ABAT: variants seen among roughly 807,000 people sequenced by gnomAD.
ABAT encodes 4-aminobutyrate aminotransferase, mitochondrial.
A neutral mutation model predicts 64.6 loss-of-function variants in ABAT; 45 were observed. The ratio of observed to expected loss-of-function variants is 0.70; its 90% CI spans 0.55 to 0.89. The LOEUF (loss-of-function observed/expected upper bound fraction) is 0.89. ABAT is among the 40% of genes least tolerant of loss of function. The pLI, the probability that ABAT is intolerant of heterozygous loss-of-function variation, is 0.00. For missense variants in ABAT, 633 were observed against 658.4 expected, an observed-to-expected ratio of 0.96 and a Z score of 0.42; for synonymous variants, 297 against 250.5, an observed-to-expected ratio of 1.19 and a Z score of -1.75.
At chr16:8,722,884 G>T in intron 1 of ABAT, 1 of 1,287,904 alleles carries the variant, frequency 7.8e-7, no homozygotes, top group Non-Finnish European at 1.0e-6. Context: ...CAAATTCTCA[G>T]TAATATGGAA....
intron 1 of ABAT, among the ~76,000 whole-genome samples, chr16:8,728,577 A>G (rs1321519216): frequency 6.6e-6 from 1 of 152,102 alleles, no homozygotes; most frequent in Non-Finnish European, 1.5e-5. Flanking sequence ...CCATTGAGTT[A>G]TTAAGAAAAG....
chr16:8,694,829 T>C (rs1349724161), intron 1 of ABAT, among the ~76,000 whole-genome samples: 1 of 152,236 alleles, frequency 6.6e-6, no homozygotes, highest in African/African-American at 2.4e-5. Flanking sequence ...GTGTCTGTCC[T>C]GGGCTGTGTC....
At chr16:8,755,629 G>C (rs2059627409) in intron 5 of ABAT, among the ~76,000 whole-genome samples, 1 of 152,176 alleles carries the variant, frequency 6.6e-6, no homozygotes, top group South Asian at 2.1e-4. Context: ...CTTGACTTCA[G>C]GCCGGGTTCG....
In ABAT at chr16:8,699,512, C is replaced by T. The variant is rs569906693; in HGVS notation, c.-42+24801C>T. ...ATCAGAGGTTGCAGTGAGCCGAGGT[C>T]GTGCCATTGCAATCCAGCCTGGGTG... On this transcript the variant is annotated intron_variant, in intron 1 of 15. Coordinates refer to ENST00000268251, the MANE Select transcript of ABAT (RefSeq NM_020686.6). 4.7e-4 allele frequency among the ~76,000 whole-genome samples: 72 copies of T among 152,002 alleles called. No homozygotes were observed. In the South Asian group the frequency reaches 0.015, roughly 32 times the overall value.
chr16:8,775,975 A>C (rs950442818), intron 13 of ABAT, among the ~76,000 whole-genome samples: 1 of 152,164 alleles, frequency 6.6e-6, no homozygotes, highest in Non-Finnish European at 1.5e-5. Context: ...TAGACAAATC[A>C]CTTAGCCTCC....
At chr16:8,687,966 G>C (rs910282142) in intron 1 of ABAT, among the ~76,000 whole-genome samples, 2 of 151,870 alleles carry the variant, frequency 1.3e-5, no homozygotes, top group African/African-American at 4.8e-5. Context: ...TGGCACCATC[G>C]TAGCTTACTG....
At chr16:8,768,748 C>T (rs1434381060) in intron 10 of ABAT, 77 bp from the exon 11 acceptor site, 13 of 1,601,184 alleles carry the variant, frequency 8.1e-6, no homozygotes, top group Non-Finnish European at 1.1e-5. Flanking sequence ...GCTGAAATGT[C>T]TATCATCTCC....
At chr16:8,722,915 T>A in intron 1 of ABAT, 1 of 1,261,524 alleles carries the variant, frequency 7.9e-7, no homozygotes, top group Non-Finnish European at 1.0e-6. Flanking sequence ...GCTTGTCAGG[T>A]GTTTCTTAGA....
intron 1 of ABAT, among the ~76,000 whole-genome samples, chr16:8,693,521 T>A (rs1567272700): frequency 6.6e-6 from 1 of 152,188 alleles, no homozygotes; most frequent in African/African-American, 2.4e-5. Context: ...CAGACTGGAG[T>A]GCAGTGGCAC....
chr16:8,738,882 T>A lies in ABAT; in HGVS notation c.70+3073T>A, dbSNP rs1253486130. Reference sequence around the variant, plus strand: ...CTAGTCTCCAACTCCTGACCTCAAGTGATCCACCCATCTTGGCCTCCCAAA... The same window carrying A: ...CTAGTCTCCAACTCCTGACCTCAAGAGATCCACCCATCTTGGCCTCCCAAA... On this transcript the variant is annotated intron_variant, in intron 2 of 15. Transcript: ENST00000268251. 3.3e-5 allele frequency among the ~76,000 whole-genome samples: 5 copies of A among 152,192 alleles called. 1 individual carries two copies. The highest frequency in any genetic ancestry group is 7.3e-5 in the Non-Finnish European group (5 of 68,038).
At position 8,781,851 on chromosome 16, in the gene ABAT, G is replaced by A. The variant is rs1326406084; in HGVS notation, c.*421G>A. 18 of 345,208 alleles carry A rather than the reference G, an allele frequency of 5.2e-5. No homozygotes were observed. Among genetic ancestry groups the A allele is most frequent in the South Asian group, 4.3e-4 (18 of 42,316 alleles). 21.4% of individuals were successfully genotyped at this position (345,208 alleles called of 1,614,324 possible). A position where few individuals can be genotyped will look rare whatever the true frequency, so the allele number is the denominator to read the frequency against. On this transcript the variant is annotated 3_prime_UTR_variant, in exon 16 of 16. Coordinates refer to ENST00000268251, the MANE Select transcript of ABAT (RefSeq NM_020686.6). This position sits in a 1 kb window ranked among gnomAD's most constrained non-coding sequence, Gnocchi z 4.5. ...AGTGCCATATTCTGTGATCACGGAT[G>A]TTGGCTCCCCCTCGCCCTATGCAAG...
At chr16:8,759,598 G>A (rs576630038) in intron 6 of ABAT, among the ~76,000 whole-genome samples, 43 of 152,100 alleles carry the variant, frequency 2.8e-4, no homozygotes, top group Admixed American at 6.5e-4. Flanking sequence ...CTGCAGCCTC[G>A]ACCTCCCAGG....
chr16:8,717,748 A>G (rs1596414925), intron 1 of ABAT, among the ~76,000 whole-genome samples: 2 of 152,138 alleles, frequency 1.3e-5, no homozygotes, highest in African/African-American at 4.8e-5. Flanking sequence ...GAGGCAACGT[A>G]TTGGGTAAAA....
intron 6 of ABAT, among the ~76,000 whole-genome samples, chr16:8,759,885 C>T (rs982926982): frequency 3.1e-4 from 47 of 152,272 alleles, no homozygotes; most frequent in Admixed American, 7.2e-4. Context: ...TGGAGTTTTG[C>T]AGTGTGTATC....
intron 11 of ABAT, among the ~76,000 whole-genome samples, chr16:8,772,550 T>C (rs955552526): frequency 6.6e-6 from 1 of 152,236 alleles, no homozygotes; most frequent in Non-Finnish European, 1.5e-5. Context: ...GCTAAATTAC[T>C]TGCCCCAATT....
intron 1 of ABAT, chr16:8,714,500 A>T (rs1171754366): frequency 6.6e-6 from 1 of 152,258 alleles, no homozygotes; most frequent in Non-Finnish European, 1.5e-5. Flanking sequence ...GCTGATTAGA[A>T]GTTCATTTTG....
intron 2 of ABAT, among the ~76,000 whole-genome samples, chr16:8,743,566 T>G (rs1232978626): frequency 6.9e-6 from 1 of 144,200 alleles, no homozygotes; most frequent in Admixed American, 7.1e-5. Flanking sequence ...ATATATACTT[T>G]AGTTTTAATA....
intron 6 of ABAT, among the ~76,000 whole-genome samples, chr16:8,762,109 C>A (rs1404092376): frequency 6.6e-6 from 1 of 152,162 alleles, no homozygotes; most frequent in East Asian, 1.9e-4. Context: ...AAAGATCCTC[C>A]CACCTCAGCC....
chr16:8,762,934 C>G (rs1420287181), intron 6 of ABAT, among the ~76,000 whole-genome samples: 1 of 151,898 alleles, frequency 6.6e-6, no homozygotes, highest in Non-Finnish European at 1.5e-5. Context: ...TGGCGAAACC[C>G]TGTCTCTATA....
Sources: gnomAD v4.1 joint callset for allele counts (sites outside exome capture counted in the v4.1 genomes callset) on GRCh38, gnomAD v4.1.1 for gene constraint, Gnocchi (gnomAD v3.1) non-coding constraint, MANE v1.5 for transcripts, NCBI Gene and HGNC (gene_info 2026-07-23, HGNC 2026-07-21) for gene names.